ST3GAL2: variants seen among roughly 807,000 people sequenced by gnomAD.
The protein encoded by ST3GAL2 is CMP-N-acetylneuraminate-beta-galactosamide-alpha-2,3-sialyltransferase 2.
In ST3GAL2, 16 loss-of-function variants were observed where a neutral mutation model predicts 37.5. The observed-to-expected ratio is 0.43, with a 90% confidence interval of 0.29 to 0.65. ST3GAL2 has a LOEUF of 0.65. ST3GAL2 is among the 30% of genes least tolerant of loss of function. ST3GAL2 has a pLI of 0.17. For missense variants in ST3GAL2, 383 were observed against 487.8 expected (o/e 0.79, Z 2.02); for synonymous variants, 238 against 202.9 (o/e 1.17, Z -1.47).
chr16:70,401,980 G>A lies in ST3GAL2; in HGVS notation c.-1003-2447C>T, dbSNP rs538257064. Among the ~76,000 whole-genome samples the A allele has an allele frequency of 5.4e-5, 6 of 111,706 alleles. No individual in the cohort carries two copies. In the East Asian group the frequency reaches 1.4e-3, roughly 26 times the overall value. 73.3% of individuals were successfully genotyped at this position (111,706 alleles called of 152,430 possible). On this transcript the variant is annotated intron_variant, in intron 1 of 6. Transcript: ENST00000342907. Reference sequence around the variant, plus strand: ...TTGTACTCCAGCCTGGGCGACAAGAGCAAAACTCTGCCTCAAAAAAAAAAA... The same window carrying A: ...TTGTACTCCAGCCTGGGCGACAAGAACAAAACTCTGCCTCAAAAAAAAAAA...
chr16:70,421,328 C>T (rs765263434), intron 1 of ST3GAL2, among the ~76,000 whole-genome samples: 2 of 152,188 alleles, frequency 1.3e-5, no homozygotes, highest in African/African-American at 4.8e-5. Flanking sequence ...TCCCTGGCAC[C>T]GCCTCTGAGC....
At chr16:70,437,529 G>C (rs1401190515) in intron 1 of ST3GAL2, among the ~76,000 whole-genome samples, 2 of 144,600 alleles carry the variant, frequency 1.4e-5, no homozygotes, top group Non-Finnish European at 3.0e-5. Flanking sequence ...AATCTGAAGA[G>C]GACAAAACAA....
rs1398084858 is a variant in ST3GAL2 at position 70,381,252 on chromosome 16, A to G, written c.*437T>C. ...CGGCCACCTATCTCCTGAGGCCCGC[A>G]AAGACCGCCCGCTCTCCTCCAGGTC... On this transcript the variant is annotated 3_prime_UTR_variant, in exon 7 of 7. Coordinates refer to ENST00000342907, the MANE Select transcript of ST3GAL2 (RefSeq NM_006927.4). The G allele has an allele frequency of 6.1e-6, 1 of 164,544 alleles. No homozygotes were observed. The highest frequency in any genetic ancestry group is 1.3e-5 in the Non-Finnish European group (1 of 75,044). 10.2% of individuals were successfully genotyped at this position (164,544 alleles called of 1,614,324 possible).
intron 1 of ST3GAL2, among the ~76,000 whole-genome samples, chr16:70,432,537 T>G (rs952941613): frequency 3.3e-5 from 5 of 152,182 alleles, no homozygotes; most frequent in African/African-American, 1.2e-4. Flanking sequence ...ACAACAATGA[T>G]TTATAAATAG....
intron 1 of ST3GAL2, among the ~76,000 whole-genome samples, chr16:70,431,842 T>C (rs1239373811): frequency 2.0e-5 from 3 of 151,782 alleles, no homozygotes; most frequent in African/African-American, 4.8e-5. Flanking sequence ...CGGGTGCCTG[T>C]AGTCCCAGCT....
intron 1 of ST3GAL2, among the ~76,000 whole-genome samples, chr16:70,423,514 C>G (rs1244823100): frequency 2.0e-5 from 3 of 151,628 alleles, no homozygotes; most frequent in African/African-American, 7.3e-5. Context: ...CATCTCAAAA[C>G]AAACAAACAA....
intron 1 of ST3GAL2, among the ~76,000 whole-genome samples, chr16:70,420,786 A>T (rs2047709453): frequency 6.6e-6 from 1 of 152,190 alleles, no homozygotes; most frequent in Admixed American, 6.5e-5. Flanking sequence ...ATGGAAACTC[A>T]AGGAAGGTGT....
intron 4 of ST3GAL2, among the ~76,000 whole-genome samples, chr16:70,386,211 G>A (rs1008632173): frequency 3.0e-4 from 44 of 149,034 alleles, no homozygotes; most frequent in Admixed American, 4.7e-4. Flanking sequence ...TTCCTGAGAC[G>A]GAGTCTCGCT....
At chr16:70,388,835 A>C (rs953574784) in intron 3 of ST3GAL2, among the ~76,000 whole-genome samples, 1 of 148,620 alleles carries the variant, frequency 6.7e-6, no homozygotes, top group African/African-American at 2.5e-5. Flanking sequence ...GCCAAGGTGG[A>C]TGGACTGCTT....
chr16:70,433,499 G>C (rs1240369980), intron 1 of ST3GAL2, among the ~76,000 whole-genome samples: 1 of 152,122 alleles, frequency 6.6e-6, no homozygotes, highest in African/African-American at 2.4e-5. Context: ...GGTTGCGAGG[G>C]AACTGCCCAA....
intron 3 of ST3GAL2, among the ~76,000 whole-genome samples, chr16:70,389,950 C>T (rs1002452657): frequency 6.6e-6 from 1 of 151,432 alleles, no homozygotes; most frequent in Admixed American, 6.6e-5. Context: ...TCACGCCCGG[C>T]TAATTGTTTG....
At chr16:70,434,447 A>C (rs144166160) in intron 1 of ST3GAL2, among the ~76,000 whole-genome samples, 272 of 152,272 alleles carry the variant, frequency 1.8e-3, no homozygotes, top group African/African-American at 5.2e-3. Context: ...AAAACAAAAA[A>C]AAAAAAATTC....
chr16:70,397,918 T>G (rs2047528008), intron 2 of ST3GAL2, among the ~76,000 whole-genome samples: 1 of 152,194 alleles, frequency 6.6e-6, no homozygotes, highest in Admixed American at 6.5e-5. Flanking sequence ...CCCCCATGGC[T>G]GTACTCCTCA....
chr16:70,411,269 C>T (rs1199618397), intron 1 of ST3GAL2, among the ~76,000 whole-genome samples: 1 of 151,894 alleles, frequency 6.6e-6, no homozygotes, highest in East Asian at 1.9e-4. Flanking sequence ...CTTGTATTTC[C>T]AGCTACTCAG....
At chr16:70,418,851 C>T (rs894092512) in intron 1 of ST3GAL2, among the ~76,000 whole-genome samples, 1 of 152,184 alleles carries the variant, frequency 6.6e-6, no homozygotes, top group Non-Finnish European at 1.5e-5. Flanking sequence ...TCTCCTCCCC[C>T]ACCCACGCAC....
At chr16:70,401,560 A>G (rs1006573743) in intron 1 of ST3GAL2, among the ~76,000 whole-genome samples, 2 of 152,072 alleles carry the variant, frequency 1.3e-5, no homozygotes, top group African/African-American at 4.8e-5. Context: ...ATGCACTAAA[A>G]ATCCCAAAAA....
intron 1 of ST3GAL2, among the ~76,000 whole-genome samples, chr16:70,438,231 C>G (rs565711437): frequency 1.4e-3 from 206 of 152,262 alleles, no homozygotes; most frequent in Non-Finnish European, 2.5e-3. Flanking sequence ...GTGAGCTCAG[C>G]CCAGAGCTGT....
At chr16:70,404,491 T>C (rs2047575865) in intron 1 of ST3GAL2, among the ~76,000 whole-genome samples, 1 of 151,910 alleles carries the variant, frequency 6.6e-6, no homozygotes. Context: ...AAAACCACAA[T>C]CAGATACCAC....
intron 1 of ST3GAL2, chr16:70,422,841 T>G (rs995123112): frequency 2.0e-5 from 3 of 152,130 alleles, no homozygotes; most frequent in Non-Finnish European, 4.4e-5. Flanking sequence ...ACTACAACAC[T>G]CCATTCCTGG....
Sources: allele counts gnomAD v4.1 joint callset (sites outside exome capture counted in the v4.1 genomes callset), GRCh38; gene constraint gnomAD v4.1.1; transcripts MANE v1.5; gene names NCBI Gene and HGNC (gene_info 2026-07-23, HGNC 2026-07-21).